The following OTUD4 variants were observed in gnomAD, a reference collection of about 807,000 sequenced individuals.
OTUD4 encodes the protein OTU domain-containing protein 4.
OTUD4 carries 24 observed loss-of-function variants against 130.4 expected under a neutral mutation model. The observed-to-expected ratio is 0.18, with a 90% CI of 0.13 to 0.26. The LOEUF (loss-of-function observed/expected upper bound fraction) is 0.26, where lower values mean the gene tolerates loss of function less well. OTUD4 is among the 10% of genes least tolerant of loss of function. The probability of loss-of-function intolerance (pLI) is 1.00; values close to 1 mark genes in which losing one functional copy is unlikely to be tolerated. For missense variants in OTUD4, 1,031 were observed against 1,329.4 expected (o/e 0.78, Z 3.49); for synonymous variants, 420 against 472.5 (o/e 0.89, Z 1.44).
Position 145,135,089 on chromosome 4 carries a change from A to G in OTUD4, c.*2341T>C, listed in dbSNP as rs78524342. 2.5e-5 allele frequency: 9 copies of G among 366,558 alleles called. No homozygotes were observed. The South Asian group carries it at 9.0e-4, about 37-fold the overall frequency. 22.7% of individuals were successfully genotyped at this position (366,558 alleles called of 1,614,324 possible). On this transcript the variant is annotated 3_prime_UTR_variant, in exon 21 of 21. Coordinates refer to ENST00000447906, the MANE Select transcript of OTUD4 (RefSeq NM_001366057.1). The stretch of plus-strand genomic sequence containing the variant: ...ATACATTTAAAAACAAACTTAAAGG[A>G]AAAAAAGCGAAACCAACCTTCATGC...
intron 3 of OTUD4, among the ~76,000 whole-genome samples, chr4:145,165,407 A>G (rs1751800355): frequency 6.6e-6 from 1 of 152,218 alleles, no homozygotes. Flanking sequence ...ACATACACAA[A>G]AAAATACTAA....
intron 19 of OTUD4, 53 bp from the exon 20 acceptor site, chr4:145,140,044 T>A (rs1750487765): frequency 1.7e-6 from 1 of 574,478 alleles, no homozygotes; most frequent in Non-Finnish European, 3.1e-6. Context: ...GAGATTTTTT[T>A]AAATCATCCT....
chr4:145,159,531 T>C lies in OTUD4; in HGVS notation c.601A>G (p.Ile201Val), dbSNP rs772231455. 2 of 1,613,676 alleles carry C rather than the reference T, an allele frequency of 1.2e-6. No homozygotes were observed. Among genetic ancestry groups the C allele is most frequent in the East Asian group, 2.2e-5 (1 of 44,758 alleles). The change falls in exon 7 of 21, where the codon ATA becomes GTA. Residue 201 changes from isoleucine to valine, a missense_variant. By Grantham distance (29) the Ile-to-Val change is conservative. This residue lies in a region of OTUD4 where 900 missense variants were observed against 1,095.9 expected (regional missense o/e 0.82). Coordinates refer to ENST00000447906, the MANE Select transcript of OTUD4 (RefSeq NM_001366057.1). ...LEVADEDNSE[I>V]SDSEDDSCKS... ...CAACTGTCATCCTCTGAATCTGATA[T>C]TTCACTGTTATCTTCATCAGCTACT...
At position 145,152,401 on chromosome 4, in the gene OTUD4, G is replaced by A. The variant is rs186458306; in HGVS notation, c.968+140C>T. ...GCTAGGATTACAGGCATGAGCCACC[G>A]TCCCTGGCCCAAATATACTTTCTAT... On this transcript the variant is annotated intron_variant, in intron 11 of 20. Coordinates refer to ENST00000447906, the MANE Select transcript of OTUD4 (RefSeq NM_001366057.1). 433 of 576,450 alleles carry A rather than the reference G, an allele frequency of 7.5e-4. 4 individuals are homozygous for A. In the East Asian group the frequency reaches 0.012, roughly 16 times the overall value. 35.7% of individuals were successfully genotyped at this position (576,450 alleles called of 1,614,324 possible).
chr4:145,152,456 C>A, intron 11 of OTUD4, 85 bp downstream of exon 11: 1 of 749,192 alleles, frequency 1.3e-6, no homozygotes, highest in South Asian at 1.7e-5. Flanking sequence ...ATTGAATTTG[C>A]AAATACTGAA....
At chr4:145,161,037 G>A (rs1751536090) in intron 6 of OTUD4, among the ~76,000 whole-genome samples, 1 of 151,462 alleles carries the variant, frequency 6.6e-6, no homozygotes, top group African/African-American at 2.4e-5. Flanking sequence ...TTAAACCCAG[G>A]AGGCGGAAGT....
chr4:145,157,619 G>A (rs533951579), intron 7 of OTUD4, among the ~76,000 whole-genome samples: 120 of 150,766 alleles, frequency 8.0e-4, no homozygotes, highest in African/African-American at 2.8e-3. Flanking sequence ...GCGAGGCGGA[G>A]GTTGCAGTGA....
chr4:145,175,944 G>T lies in OTUD4; in HGVS notation c.160-1200C>A, dbSNP rs925027183. Among the ~76,000 whole-genome samples the T allele has an allele frequency of 5.3e-5, 8 of 151,806 alleles. No individual in the cohort carries two copies. The Middle Eastern group carries it at 0.01, about 198-fold the overall frequency. ...TGCAGTGGTGCAATCTCAGCTCACC[G>T]CAACCTCCGCCTCACAAGTTCAAGC... On this transcript the variant is annotated intron_variant, in intron 1 of 20. Coordinates refer to ENST00000447906, the MANE Select transcript of OTUD4 (RefSeq NM_001366057.1).
At position 145,137,409 on chromosome 4, in the gene OTUD4, A is replaced by C; in HGVS notation, c.*21T>G. The C allele has an allele frequency of 6.4e-7, 1 of 1,571,602 alleles. No individual in the cohort carries two copies. Among genetic ancestry groups the C allele is most frequent in the South Asian group, 1.2e-5 (1 of 86,012 alleles). Reference sequence around the variant, plus strand: ...CATTCCACCTAAGAGTTTCTGTTAGAAAATACTTCGGCAACAACCATCAAG... The same window carrying C: ...CATTCCACCTAAGAGTTTCTGTTAGCAAATACTTCGGCAACAACCATCAAG... On this transcript the variant is annotated 3_prime_UTR_variant, in exon 21 of 21. Coordinates refer to ENST00000447906, the MANE Select transcript of OTUD4 (RefSeq NM_001366057.1).
intron 7 of OTUD4, among the ~76,000 whole-genome samples, chr4:145,157,972 T>G (rs753655802): frequency 6.6e-6 from 1 of 152,148 alleles, no homozygotes; most frequent in Non-Finnish European, 1.5e-5. Flanking sequence ...AGGTAATAAG[T>G]TGTAACAAGC....
intron 14 of OTUD4, among the ~76,000 whole-genome samples, chr4:145,144,641 G>A (rs1750735725): frequency 6.6e-6 from 1 of 151,986 alleles, no homozygotes; most frequent in Admixed American, 6.5e-5. Flanking sequence ...AAGTTGAAAG[G>A]ATTAAGCAAT....
chr4:145,144,294 A>C lies in OTUD4; in HGVS notation c.1546+17T>G, dbSNP rs202043353. 41 of 1,605,374 alleles carry C rather than the reference A, an allele frequency of 2.6e-5. No individual in the cohort carries two copies. Among genetic ancestry groups the C allele is most frequent in the Non-Finnish European group, 3.4e-5 (40 of 1,177,840 alleles). ...AGAGATCTCTAGCATCTGCTTTCTA[A>C]TGATGAGATAACTTACCTTTGTCTT... is the stretch of plus-strand genomic sequence containing the variant. On this transcript the variant is annotated intron_variant, in intron 15 of 20. Transcript: ENST00000447906.
Position 145,138,580 on chromosome 4 carries a change from C to T in OTUD4, c.2195G>A (p.Cys732Tyr). 6.2e-7 allele frequency: 1 copy of T among 1,613,968 alleles called. No individual in the cohort carries two copies. Among genetic ancestry groups the T allele is most frequent in the Non-Finnish European group, 8.5e-7 (1 of 1,179,912 alleles). ...GACAGGGACCTTTGGGTACATCCTGCAGGCTGCCAGGTAGGCCTGGTGCAG... is the reference window on the plus strand; with the variant it reads ...GACAGGGACCTTTGGGTACATCCTGTAGGCTGCCAGGTAGGCCTGGTGCAG... ...YPLHQAYLAA[C>Y]RMYPKVPVPV... Residue 732 changes from cysteine to tyrosine, a missense_variant, in exon 21 of 21, where the codon TGC (cysteine) becomes TAC (tyrosine). Cys to Tyr is a radical substitution (Grantham distance 194). Around this residue, in one of 3 missense-constraint regions of OTUD4, gnomAD observed 900 missense variants for 1,095.9 expected, o/e 0.82. Coordinates refer to ENST00000447906, the MANE Select transcript of OTUD4 (RefSeq NM_001366057.1).
rs1156504332 is a variant in OTUD4, at chr4:145,155,442, C to T, written c.842G>A (p.Gly281Asp). Reference protein sequence around the residue: ...QQKRDYSIAAGLQYEVGDKCQ... With the variant: ...QQKRDYSIAADLQYEVGDKCQ... ...TTTGTCTCCAACTTCATATTGTAAGCCAGCAGCAATGGAATAATCACGTTT... is the reference window on the plus strand; with the variant it reads ...TTTGTCTCCAACTTCATATTGTAAGTCAGCAGCAATGGAATAATCACGTTT... The change falls in exon 10 of 21, where the codon GGC becomes GAC. Residue 281 changes from glycine (G) to aspartate (D), a missense_variant. Transcript: ENST00000447906. 2 of 1,610,932 alleles carry T rather than the reference C, an allele frequency of 1.2e-6. No individual in the cohort carries two copies. Among genetic ancestry groups the T allele is most frequent in the East Asian group, 2.2e-5 (1 of 44,750 alleles).
intron 3 of OTUD4, among the ~76,000 whole-genome samples, chr4:145,165,855 G>A (rs189113974): frequency 7.6e-4 from 116 of 152,202 alleles, no homozygotes; most frequent in African/African-American, 2.4e-3. Context: ...GTATAAGCTC[G>A]GGAAATGAAA....
In OTUD4 at chr4:145,162,729, G is replaced by C; in HGVS notation, c.415-8C>G. The C allele has an allele frequency of 1.4e-6, 2 of 1,453,442 alleles. No individual in the cohort carries two copies. Among genetic ancestry groups the C allele is most frequent in the Non-Finnish European group, 9.5e-7 (1 of 1,053,906 alleles). The allele number at this position is 1,453,442 out of a possible 1,614,324, so 90.0% of individuals were successfully genotyped here. The stretch of plus-strand genomic sequence containing the variant: ...TGAAAAACACAGTAACACCTGAAAG[G>C]GAAAAATAAAAGAAACATTTCAGCC... On this transcript the variant is annotated splice_polypyrimidine_tract_variant and splice_region_variant and intron_variant, in intron 5 of 20. Transcript: ENST00000447906.
At chr4:145,152,839 G>C (rs1016030288) in intron 10 of OTUD4, among the ~76,000 whole-genome samples, 1 of 150,570 alleles carries the variant, frequency 6.6e-6, no homozygotes, top group African/African-American at 2.4e-5. Flanking sequence ...TCCTACCTTA[G>C]CCTCCCAAGT....
intron 3 of OTUD4, among the ~76,000 whole-genome samples, chr4:145,169,477 C>CA (rs144583330): frequency 7.2e-4 from 109 of 152,020 alleles, no homozygotes; most frequent in Non-Finnish European, 1.2e-3. Context: ...ATTAGGAAGG[C>CA]AAAAAAATAT....
At chr4:145,168,299 G>C (rs1751975428) in intron 3 of OTUD4, among the ~76,000 whole-genome samples, 1 of 151,000 alleles carries the variant, frequency 6.6e-6, no homozygotes, top group Non-Finnish European at 1.5e-5. Flanking sequence ...GGAATCACTT[G>C]AACTCGGGAG....
Sources: gnomAD v4.1 joint callset for allele counts (sites outside exome capture counted in the v4.1 genomes callset) on GRCh38, gnomAD v4.1.1 for gene constraint, gnomAD v4.1.1 regional missense constraint, MANE v1.5 for transcripts, NCBI Gene and HGNC (gene_info 2026-07-23, HGNC 2026-07-21) for gene names.